Variants in BBX observed in about 807,000 individuals in gnomAD.
BBX encodes the protein HMG box transcription factor BBX.
Under a neutral mutation model 100.2 loss-of-function variants are expected in BBX, and 30 were observed. That is an observed-to-expected ratio of 0.30 (90% CI 0.22 to 0.41). The LOEUF is 0.41. Among genes scored for constraint, BBX ranks in the 10% least tolerant of loss-of-function variants. The pLI is 1.00. For missense variants in BBX, 1,023 were observed against 1,129.8 expected (o/e 0.91, Z 1.35); for synonymous variants, 376 against 388.1 (o/e 0.97, Z 0.37).
At chr3:107,670,699 G>A (rs2058974973) in intron 3 of BBX, among the ~76,000 whole-genome samples, 1 of 152,056 alleles carries the variant, frequency 6.6e-6, no homozygotes, top group African/African-American at 2.4e-5. Flanking sequence ...ATATAAAAAT[G>A]TTGAATACAC....
intron 2 of BBX, among the ~76,000 whole-genome samples, chr3:107,626,189 G>A (rs952247870): frequency 7.2e-5 from 11 of 152,140 alleles, no homozygotes; most frequent in Non-Finnish European, 1.5e-4. Flanking sequence ...GAAGAAACAT[G>A]TTCTATATGG....
chr3:107,579,897 CATTTTCTATAGA>C (rs1317711910), intron 2 of BBX, among the ~76,000 whole-genome samples: 1 of 152,082 alleles, frequency 6.6e-6, no homozygotes, highest in East Asian at 1.9e-4. Flanking sequence ...GTTTTACTAT[CATTTTCTATAGA>C]ATTTTAAAAT....
In BBX at chr3:107,562,002, T is replaced by C. The variant is rs2050534641; in HGVS notation, c.-84+35604T>C. 2.0e-5 allele frequency among the ~76,000 whole-genome samples: 3 copies of C among 152,228 alleles called. No homozygotes were observed. In the South Asian group the frequency reaches 6.2e-4, roughly 32 times the overall value. ...GGGGATACATTGAGTTGTACCTTTTTTGAAATACCTTTTAGCCATGGATTT... is the reference window on the plus strand; with the variant it reads ...GGGGATACATTGAGTTGTACCTTTTCTGAAATACCTTTTAGCCATGGATTT... On this transcript the variant is annotated intron_variant, in intron 2 of 17. Coordinates refer to ENST00000325805, the MANE Select transcript of BBX (RefSeq NM_001142568.3).
intron 4 of BBX, among the ~76,000 whole-genome samples, chr3:107,714,984 C>G (rs1431903168): frequency 6.6e-6 from 1 of 152,070 alleles, no homozygotes; most frequent in East Asian, 1.9e-4. Context: ...CAGGGCTTCA[C>G]CATGTTCACC....
At chr3:107,715,329 T>C (rs538202132) in intron 4 of BBX, among the ~76,000 whole-genome samples, 1 of 152,328 alleles carries the variant, frequency 6.6e-6, no homozygotes, top group East Asian at 1.9e-4. Flanking sequence ...ACCTGTGTTT[T>C]AACAGAACCT....
intron 2 of BBX, among the ~76,000 whole-genome samples, chr3:107,584,244 A>G (rs1255513586): frequency 8.4e-6 from 1 of 119,020 alleles, no homozygotes; most frequent in Non-Finnish European, 1.6e-5. Context: ...AGTATAAAGT[A>G]TAAATTATAC....
intron 2 of BBX, among the ~76,000 whole-genome samples, chr3:107,586,797 C>T (rs2052878201): frequency 6.6e-6 from 1 of 151,442 alleles, no homozygotes; most frequent in Non-Finnish European, 1.5e-5. Flanking sequence ...TTTGCCCAGG[C>T]TAGAGTGCAA....
chr3:107,801,564 C>T (rs530763833), intron 17 of BBX, among the ~76,000 whole-genome samples: 1 of 152,294 alleles, frequency 6.6e-6, no homozygotes, highest in East Asian at 1.9e-4. Flanking sequence ...GACCAATGAG[C>T]TTTGGAGTCC....
At chr3:107,542,564 A>G (rs572118519) in intron 2 of BBX, among the ~76,000 whole-genome samples, 18 of 152,348 alleles carry the variant, frequency 1.2e-4, no homozygotes, top group African/African-American at 3.6e-4. Context: ...ACAGTTCAGC[A>G]GAGTTCCTCT....
In BBX at chr3:107,697,571, C is replaced by T. The variant is rs540286615; in HGVS notation, c.-9-12881C>T. ...CTGCCCGTTCTCAGATCTCCAGCCG[C>T]GTGCTGGGAGAACCGCTGCTCTCTT... On this transcript the variant is annotated intron_variant, in intron 3 of 17. Transcript: ENST00000325805. 1.1e-4 allele frequency among the ~76,000 whole-genome samples: 17 copies of T among 151,976 alleles called. 1 individual carries two copies. Among genetic ancestry groups the T allele is most frequent in the East Asian group, 5.8e-4 (3 of 5,184 alleles).
chr3:107,741,259 G>A (rs2064080175), intron 7 of BBX, among the ~76,000 whole-genome samples: 1 of 151,864 alleles, frequency 6.6e-6, no homozygotes, highest in East Asian at 1.9e-4. Context: ...GCTTGATCTT[G>A]TTTTATATCA....
At chr3:107,579,165 G>A (rs750609164) in intron 2 of BBX, among the ~76,000 whole-genome samples, 3 of 152,158 alleles carry the variant, frequency 2.0e-5, no homozygotes, top group Non-Finnish European at 4.4e-5. Flanking sequence ...CTCCTTTTAA[G>A]ATAGGCTTTA....
chr3:107,699,639 A>AT (rs2060900633), intron 3 of BBX, among the ~76,000 whole-genome samples: 1 of 151,854 alleles, frequency 6.6e-6, no homozygotes, highest in African/African-American at 2.4e-5. Context: ...TTTTTGAGAG[A>AT]TTAGATGTCA....
At chr3:107,535,013 A>T (rs559882) in intron 2 of BBX, among the ~76,000 whole-genome samples, 1 of 152,236 alleles carries the variant, frequency 6.6e-6, no homozygotes, top group African/African-American at 2.4e-5. Context: ...ATTTTTCACA[A>T]CAACTTTCTG....
intron 3 of BBX, among the ~76,000 whole-genome samples, chr3:107,675,182 A>G (rs1235541327): frequency 1.3e-5 from 2 of 152,182 alleles, no homozygotes; most frequent in African/African-American, 4.8e-5. Context: ...GAAAGGGTTC[A>G]GAGCTGAAAG....
At chr3:107,760,793 A>G (rs994407961) in intron 10 of BBX, among the ~76,000 whole-genome samples, 3 of 152,198 alleles carry the variant, frequency 2.0e-5, no homozygotes, top group African/African-American at 7.2e-5. Context: ...GTGACATCCA[A>G]CCTACAGAGA....
At chr3:107,556,599 G>C (rs1320369426) in intron 2 of BBX, among the ~76,000 whole-genome samples, 1 of 152,138 alleles carries the variant, frequency 6.6e-6, no homozygotes, top group East Asian at 1.9e-4. Context: ...TTTATGAAGA[G>C]ATTGCTTTAG....
In BBX at chr3:107,741,470, G is replaced by C. The variant is rs138891817; in HGVS notation, c.670-3160G>C. 2.3e-3 allele frequency among the ~76,000 whole-genome samples: 347 copies of C among 152,210 alleles called. 1 individual carries two copies. Among genetic ancestry groups the C allele is most frequent in the African/African-American group, 7.7e-3 (320 of 41,554 alleles). ...AACAAAAATCCCGTTAGCTATTTTTGTTTTTGGGCATATAGCAACACCTAG... is the reference window on the plus strand; with the variant it reads ...AACAAAAATCCCGTTAGCTATTTTTCTTTTTGGGCATATAGCAACACCTAG... On this transcript the variant is annotated intron_variant, in intron 7 of 17. Transcript: ENST00000325805.
intron 3 of BBX, among the ~76,000 whole-genome samples, chr3:107,689,855 C>G (rs1295627517): frequency 2.0e-5 from 3 of 152,110 alleles, no homozygotes; most frequent in African/African-American, 7.2e-5. Context: ...TGTTTAAAGT[C>G]CAGAGCCTTT....
Sources: gnomAD v4.1 joint callset for allele counts (sites outside exome capture counted in the v4.1 genomes callset) on GRCh38, gnomAD v4.1.1 for gene constraint, MANE v1.5 for transcripts, NCBI Gene and HGNC (gene_info 2026-07-23, HGNC 2026-07-21) for gene names.